DAAM1: variants seen among roughly 807,000 people sequenced by gnomAD.
The protein encoded by DAAM1 is dishevelled associated activator of morphogenesis 1.
A neutral mutation model predicts 130.0 loss-of-function variants in DAAM1; 52 were observed. That is an observed-to-expected ratio of 0.40 (90% CI 0.32 to 0.50). DAAM1 has a LOEUF of 0.50. Among genes scored for constraint, DAAM1 ranks in the 20% least tolerant of loss-of-function variants. The pLI is 0.61. For missense variants in DAAM1, 1,134 were observed against 1,303.8 expected (o/e 0.87, Z 2.01); for synonymous variants, 452 against 444.5 (o/e 1.02, Z -0.21).
At chr14:59,225,245 C>T (rs1226140836) in intron 1 of DAAM1, among the ~76,000 whole-genome samples, 3 of 152,048 alleles carry the variant, frequency 2.0e-5, no homozygotes, top group Non-Finnish European at 4.4e-5. Context: ...ACAGAATGGT[C>T]TCAATCTCTT....
At position 59,330,655 on chromosome 14, in the gene DAAM1, G is replaced by A. The variant is rs28927674; in HGVS notation, c.1527G>A (p.Ala509=). The A allele has an allele frequency of 0.083, 133,313 of 1,613,368 alleles. 6,089 individuals carry two copies. The highest frequency in any genetic ancestry group is 0.095 in the Non-Finnish European group (112,280 of 1,179,694). Reference sequence around the variant, plus strand: ...ATAAGCAAGTCAAGCAGCAGGTGGCGGACCTCACAGCACAGCTCCATGAGC... The same window carrying A: ...ATAAGCAAGTCAAGCAGCAGGTGGCAGACCTCACAGCACAGCTCCATGAGC... ...TEHKQVKQQV[A]DLTAQLHELS... is the part of the protein sequence containing the mutation. Residue 509 remains alanine (A), a synonymous_variant, in exon 13 of 25, where the codon GCG becomes GCA. Coordinates refer to ENST00000360909, the MANE Select transcript of DAAM1 (RefSeq NM_001270520.2).
intron 1 of DAAM1, among the ~76,000 whole-genome samples, chr14:59,225,302 A>G (rs932841741): frequency 2.0e-5 from 3 of 152,202 alleles, no homozygotes; most frequent in African/African-American, 7.2e-5. Flanking sequence ...CTGGGATTAC[A>G]GGCATAAGCC....
chr14:59,330,622 T>C lies in DAAM1; in HGVS notation c.1494T>C (p.Thr498=). ...TGAAAGAGAAACTTGAAAAGGAGAC[T>C]ACTGAGCATAAGCAAGTCAAGCAGC... The part of the protein sequence containing the change: ...NKMKEKLEKE[T]TEHKQVKQQV... The change falls in exon 13 of 25, where the codon ACT becomes ACC. Residue 498 remains threonine (T), a synonymous_variant. Coordinates refer to ENST00000360909, the MANE Select transcript of DAAM1 (RefSeq NM_001270520.2). The C allele has an allele frequency of 1.2e-6, 2 of 1,613,978 alleles. No individual in the cohort carries two copies. The highest frequency in any genetic ancestry group is 1.7e-6 in the Non-Finnish European group (2 of 1,179,986).
chr14:59,202,947 G>A (rs1247140874), intron 1 of DAAM1, among the ~76,000 whole-genome samples: 2 of 151,670 alleles, frequency 1.3e-5, no homozygotes, highest in African/African-American at 4.8e-5. Flanking sequence ...TATTAGCATA[G>A]CGTAGTATTG....
intron 4 of DAAM1, among the ~76,000 whole-genome samples, chr14:59,318,919 A>G (rs1884893623): frequency 6.6e-6 from 1 of 152,188 alleles, no homozygotes; most frequent in African/African-American, 2.4e-5. Context: ...TATTTGTACT[A>G]GTGACCCGCA....
chr14:59,350,702 G>A (rs1886257840), intron 17 of DAAM1, among the ~76,000 whole-genome samples: 1 of 152,216 alleles, frequency 6.6e-6, no homozygotes, highest in South Asian at 2.1e-4. Flanking sequence ...GTTTCTTGGG[G>A]GTGTTGGCAC....
At chr14:59,241,575 A>G (rs1193621419) in intron 1 of DAAM1, among the ~76,000 whole-genome samples, 1 of 152,164 alleles carries the variant, frequency 6.6e-6, no homozygotes. Context: ...ATTTCTTGTT[A>G]TTTCTTCTGC....
At chr14:59,331,691 C>A in intron 14 of DAAM1, 122 bp from the exon 15 acceptor site, 5 of 1,495,014 alleles carry the variant, frequency 3.3e-6, no homozygotes, top group Non-Finnish European at 4.5e-6. Flanking sequence ...TTGTTTGAAA[C>A]CCGTCACTTT....
intron 17 of DAAM1, among the ~76,000 whole-genome samples, chr14:59,349,848 G>A (rs1000017860): frequency 6.6e-6 from 1 of 152,116 alleles, no homozygotes; most frequent in East Asian, 1.9e-4. Flanking sequence ...GCACTTTTAG[G>A]TAACAAAAGA....
chr14:59,226,764 A>G (rs1227253439), intron 1 of DAAM1, among the ~76,000 whole-genome samples: 5 of 152,210 alleles, frequency 3.3e-5, no homozygotes, highest in African/African-American at 1.2e-4. Flanking sequence ...AAAGGGAAGG[A>G]TCATCACTAG....
intron 1 of DAAM1, among the ~76,000 whole-genome samples, chr14:59,212,107 A>G (rs954777859): frequency 8.5e-5 from 13 of 152,296 alleles, no homozygotes; most frequent in Middle Eastern, 3.4e-3. Flanking sequence ...ACTTTGATAC[A>G]TAGTTTCTAA....
intron 12 of DAAM1, among the ~76,000 whole-genome samples, chr14:59,329,814 C>T (rs1208450657): frequency 6.6e-6 from 1 of 152,200 alleles, no homozygotes; most frequent in Admixed American, 6.5e-5. Context: ...TTTTTCTCCC[C>T]TGTGTTACCA....
chr14:59,260,045 A>G (rs746452226), intron 1 of DAAM1, among the ~76,000 whole-genome samples: 1 of 151,394 alleles, frequency 6.6e-6, no homozygotes, highest in Non-Finnish European at 1.5e-5. Context: ...CTCCGTCTCA[A>G]AAAAAAAAAT....
chr14:59,218,486 G>A (rs1167303523), intron 1 of DAAM1, among the ~76,000 whole-genome samples: 2 of 152,040 alleles, frequency 1.3e-5, no homozygotes, highest in African/African-American at 2.4e-5. Flanking sequence ...TTTCTAAAGG[G>A]GTGTGAATAT....
At chr14:59,215,308 G>A (rs539786617) in intron 1 of DAAM1, among the ~76,000 whole-genome samples, 3 of 152,362 alleles carry the variant, frequency 2.0e-5, no homozygotes, top group African/African-American at 7.2e-5. Flanking sequence ...AAGGACCCCT[G>A]AGTTATTAAC....
intron 15 of DAAM1, 139 bp from the exon 16 acceptor site, chr14:59,339,935 A>G (rs1350374282): frequency 5.3e-6 from 3 of 566,792 alleles, no homozygotes; most frequent in Admixed American, 3.1e-5. Context: ...CATTCTCCAC[A>G]CTTCCCACCA....
intron 1 of DAAM1, among the ~76,000 whole-genome samples, chr14:59,221,145 T>C (rs1888758217): frequency 6.6e-6 from 1 of 152,238 alleles, no homozygotes; most frequent in African/African-American, 2.4e-5. Context: ...CAACTGAAAG[T>C]GCACTTATCC....
intron 1 of DAAM1, among the ~76,000 whole-genome samples, chr14:59,243,156 A>G (rs1222783686): frequency 6.6e-6 from 1 of 152,194 alleles, no homozygotes; most frequent in African/African-American, 2.4e-5. Context: ...GTGGATTCCT[A>G]TAAAAGCACA....
intron 1 of DAAM1, among the ~76,000 whole-genome samples, chr14:59,196,147 T>C (rs964178009): frequency 5.3e-5 from 8 of 152,212 alleles, no homozygotes; most frequent in Non-Finnish European, 1.0e-4. Flanking sequence ...CTTGATCTTT[T>C]TCCTTTCTTG....
Sources: allele counts gnomAD v4.1 joint callset (sites outside exome capture counted in the v4.1 genomes callset), GRCh38; gene constraint gnomAD v4.1.1; transcripts MANE v1.5; gene names NCBI Gene and HGNC (gene_info 2026-07-23, HGNC 2026-07-21).